The following BRCA1 variants were observed in gnomAD, a reference collection of about 807,000 sequenced individuals.
BRCA1 encodes breast cancer type 1 susceptibility protein.
Under a neutral mutation model 173.7 loss-of-function variants are expected in BRCA1, and 140 were observed. The observed-to-expected ratio is 0.81, with a 90% CI of 0.70 to 0.93. The LOEUF (loss-of-function observed/expected upper bound fraction) is 0.93. Ranked by LOEUF, BRCA1 falls within the 40% of genes least tolerant of loss-of-function variation. The pLI, the probability that BRCA1 is intolerant of heterozygous loss-of-function variation, is 0.00. For missense variants in BRCA1, 1,983 were observed against 2,172.5 expected (o/e 0.91, Z 1.73); for synonymous variants, 662 against 756.0 (o/e 0.88, Z 2.04).
chr17:43,157,713 A>G (rs538167357), intron 1 of BRCA1, among the ~76,000 whole-genome samples: 1 of 151,380 alleles, frequency 6.6e-6, no homozygotes, highest in African/African-American at 2.4e-5. Flanking sequence ...AAAATTAAAA[A>G]AATCTGGGCG....
chr17:43,097,877 A>G (rs903338957), intron 7 of BRCA1, among the ~76,000 whole-genome samples: 7 of 152,194 alleles, frequency 4.6e-5, no homozygotes, highest in Non-Finnish European at 7.4e-5. Context: ...TTGTCTAGGA[A>G]TTTATGATCA....
rs80358170 is a variant in BRCA1, at chr17:43,067,706, A to T, written c.4987-11T>A. 1 of 1,600,768 alleles carries T rather than the reference A, an allele frequency of 6.2e-7. No homozygotes were observed. ...CTTGTACACGAGCATCTGAAATTAA[A>T]TCAAATATTCCATTATCATGAGTTA... On this transcript the variant is annotated splice_polypyrimidine_tract_variant and intron_variant, in intron 15 of 22. Coordinates refer to ENST00000357654, the MANE Select transcript of BRCA1 (RefSeq NM_007294.4).
At chr17:43,128,817 C>CTTTT (rs370442015), upstream of BRCA1, among the ~76,000 whole-genome samples, 1 of 142,080 alleles carries the variant, frequency 7.0e-6, no homozygotes, top group African/African-American at 2.6e-5. Flanking sequence ...TCAGGCCACA[C>CTTTT]TTTTTTTTTT....
At position 43,104,156 on chromosome 17, in the gene BRCA1, C is replaced by A. The variant is rs1437476481; in HGVS notation, c.407G>T (p.Arg136Ile). Residue 136 changes from arginine to isoleucine, a missense_variant, in exon 6 of 23, where the codon AGA (arginine) becomes ATA (isoleucine). By Grantham distance (97) the Arg-to-Ile change is moderately conservative. Coordinates refer to ENST00000357654, the MANE Select transcript of BRCA1 (RefSeq NM_007294.4). Reference protein sequence around the residue: ...QSMGYRNRAKRLLQSEPENPS... With the variant: ...QSMGYRNRAKILLQSEPENPS... ...ATTTTCGGGTTCACTCTGTAGAAGTCTTTTGGCACGGTTTCTGTAGCCCAT... is the reference window on the plus strand; with the variant it reads ...ATTTTCGGGTTCACTCTGTAGAAGTATTTTGGCACGGTTTCTGTAGCCCAT... 6.2e-7 allele frequency: 1 copy of A among 1,613,804 alleles called. No homozygotes were observed. Among genetic ancestry groups the A allele is most frequent in the Non-Finnish European group, 8.5e-7 (1 of 1,179,976 alleles).
intron 19 of BRCA1, among the ~76,000 whole-genome samples, chr17:43,052,878 G>A (rs1211690763): frequency 3.1e-5 from 4 of 130,374 alleles, no homozygotes; most frequent in Non-Finnish European, 3.2e-5. Context: ...AAGTCTGTGT[G>A]TTTTTTTTTT....
chr17:43,083,283 G>C (rs2053100340), intron 11 of BRCA1, among the ~76,000 whole-genome samples: 1 of 151,758 alleles, frequency 6.6e-6, no homozygotes, highest in African/African-American at 2.4e-5. Context: ...AGCCTCTCAA[G>C]TAGCTGGCAT....
chr17:43,169,315 C>T (rs1259178899), intron 1 of BRCA1, among the ~76,000 whole-genome samples: 2 of 152,020 alleles, frequency 1.3e-5, no homozygotes, highest in Non-Finnish European at 2.9e-5. Flanking sequence ...GTAGCTGGCG[C>T]GCGCCACCAC....
rs767459025 is a variant in BRCA1 at position 43,049,175 on chromosome 17, T to C, written c.5352A>G (p.Val1784=). 18 of 1,613,876 alleles carry C rather than the reference T, an allele frequency of 1.1e-5. No homozygotes were observed. In the South Asian group the frequency reaches 2.0e-4, roughly 18 times the overall value. Reference sequence around the variant, plus strand: ...TCACCACAGAAGCACCACACAGCTGTACCATCCATTCCAGTTGATCTAAAA... The same window carrying C: ...TCACCACAGAAGCACCACACAGCTGCACCATCCATTCCAGTTGATCTAAAA... ...NMPTDQLEWM[V]QLCGASVVKE... The change falls in exon 21 of 23, where the codon GTA becomes GTG. Residue 1784 remains valine (V), a synonymous_variant. Transcript: ENST00000357654.
In BRCA1 at chr17:43,049,338, T is replaced by G. The variant is rs1452763949; in HGVS notation, c.5333-144A>C. The G allele has an allele frequency of 3.8e-6, 3 of 783,538 alleles. No individual in the cohort carries two copies. The African/African-American group carries it at 5.1e-5, about 13-fold the overall frequency. The allele number at this position is 783,538 out of a possible 1,614,324, so 48.5% of individuals were successfully genotyped here. A position where few individuals can be genotyped will look rare whatever the true frequency, so the allele number is the denominator to read the frequency against. ...CTCTCTGCTCCAAAGGACAATGGTCTTAAAATAGTAGGGGTATGGATTTTA... is the reference window on the plus strand; with the variant it reads ...CTCTCTGCTCCAAAGGACAATGGTCGTAAAATAGTAGGGGTATGGATTTTA... On this transcript the variant is annotated intron_variant, in intron 20 of 22. Coordinates refer to ENST00000357654, the MANE Select transcript of BRCA1 (RefSeq NM_007294.4).
chr17:43,168,295 CT>C (rs1464870118), intron 1 of BRCA1: 1 of 377,572 alleles, frequency 2.6e-6, no homozygotes, highest in Admixed American at 3.9e-5. Flanking sequence ...AAACATGTAT[CT>C]TTTAAAAAGG....
At chr17:43,136,335 A>G (rs1355267907) in intron 1 of BRCA1, among the ~76,000 whole-genome samples, 1 of 152,150 alleles carries the variant, frequency 6.6e-6, no homozygotes, top group Non-Finnish European at 1.5e-5. Flanking sequence ...AAAAACCCTA[A>G]AAGAAAACCT....
intron 2 of BRCA1, among the ~76,000 whole-genome samples, chr17:43,118,383 CT>C (rs1340979497): frequency 1.8e-4 from 26 of 146,376 alleles, no homozygotes; most frequent in South Asian, 6.5e-4. Flanking sequence ...TTTTAATTTT[CT>C]TTTTTTTTTT....
intron 18 of BRCA1, among the ~76,000 whole-genome samples, chr17:43,057,792 C>T (rs1169153839): frequency 4.1e-5 from 6 of 147,068 alleles, no homozygotes; most frequent in East Asian, 2.1e-4. Flanking sequence ...GCGGAGATCA[C>T]GCCACTGCAC....
intron 2 of BRCA1, among the ~76,000 whole-genome samples, chr17:43,120,884 A>T (rs2055524352): frequency 6.9e-6 from 1 of 145,776 alleles, no homozygotes; most frequent in Non-Finnish European, 1.5e-5. Context: ...GACCAACGTG[A>T]TGAAACCCTA....
rs200648498 is a variant in BRCA1 at position 43,091,733 on chromosome 17, G to T, written c.3798C>A (p.Ser1266Arg). The T allele has an allele frequency of 6.2e-7, 1 of 1,614,086 alleles. No homozygotes were observed. The highest frequency in any genetic ancestry group is 1.7e-5 in the Admixed American group (1 of 60,004). The change falls in exon 10 of 23, where the codon AGC becomes AGA. Residue 1266 changes from serine to arginine, a missense_variant. Coordinates refer to ENST00000357654, the MANE Select transcript of BRCA1 (RefSeq NM_007294.4). Reference sequence around the variant, plus strand: ...TTACCTGGTTACTGCAGTCATTTAAGCTATTCTTCAATGATAATAAATTCT... The same window carrying T: ...TTACCTGGTTACTGCAGTCATTTAATCTATTCTTCAATGATAATAAATTCT... ...TEENLLSLKN[S>R]LNDCSNQVIL...
chr17:43,099,883 A>G lies in BRCA1; in HGVS notation c.442-3T>C, dbSNP rs8176139. 1.2e-6 allele frequency: 2 copies of G among 1,605,314 alleles called. No homozygotes were observed. Among genetic ancestry groups the G allele is most frequent in the African/African-American group, 2.7e-5 (2 of 74,800 alleles). ...TGGACACTGAGACTGGTTTCCTGCT[A>G]AACAGTATGGTAAAGAACAGTCAAG... On this transcript the variant is annotated splice_region_variant and splice_polypyrimidine_tract_variant and intron_variant, in intron 6 of 22. Coordinates refer to ENST00000357654, the MANE Select transcript of BRCA1 (RefSeq NM_007294.4).
chr17:43,056,048 C>T (rs1249674995), intron 19 of BRCA1, among the ~76,000 whole-genome samples: 1 of 152,178 alleles, frequency 6.6e-6, no homozygotes, highest in Non-Finnish European at 1.5e-5. Context: ...TTCAACCTCT[C>T]TGAGCCTCAA....
chr17:43,127,855 T>C (rs1335821633), upstream of BRCA1, among the ~76,000 whole-genome samples: 1 of 145,918 alleles, frequency 6.9e-6, no homozygotes, highest in Non-Finnish European at 1.5e-5. Flanking sequence ...AAACCCCGAC[T>C]CTACTAAAAA....
upstream of BRCA1, among the ~76,000 whole-genome samples, chr17:43,128,454 G>A (rs939352506): frequency 3.3e-5 from 5 of 152,272 alleles, 1 homozygote; most frequent in East Asian, 3.9e-4. Flanking sequence ...ACCACTCACC[G>A]TGAGGGTCCG....
Sources: gnomAD v4.1 joint callset for allele counts (sites outside exome capture counted in the v4.1 genomes callset) on GRCh38, gnomAD v4.1.1 for gene constraint, MANE v1.5 for transcripts, NCBI Gene and HGNC (gene_info 2026-07-23, HGNC 2026-07-21) for gene names.